The following RFTN1 variants were observed in gnomAD, a reference collection of about 807,000 sequenced individuals.
RFTN1 encodes the protein raftlin.
RFTN1 carries 26 observed loss-of-function variants against 46.5 expected under a neutral mutation model. That is an observed-to-expected ratio of 0.56 (90% CI 0.41 to 0.78). RFTN1 has a LOEUF of 0.78. Ranked by LOEUF, RFTN1 falls within the 30% of genes least tolerant of loss-of-function variation. The probability of loss-of-function intolerance (pLI) is 0.00; values close to 1 mark genes in which losing one functional copy is unlikely to be tolerated. For synonymous variants in RFTN1, 261 were observed against 284.2 expected (o/e 0.92, Z 0.82); for missense variants, 693 against 718.7 (o/e 0.96, Z 0.41).
In RFTN1 at chr3:16,346,952, C is replaced by T. The variant is rs1449032163; in HGVS notation, c.1146+10980G>A. Among the ~76,000 whole-genome samples the T allele has an allele frequency of 6.6e-6, 1 of 152,180 alleles. No homozygotes were observed. Among genetic ancestry groups the T allele is most frequent in the African/African-American group, 2.4e-5 (1 of 41,428 alleles). On this transcript the variant is annotated intron_variant, in intron 7 of 9. Coordinates refer to ENST00000334133, the MANE Select transcript of RFTN1 (RefSeq NM_015150.2). The surrounding 1 kb of genome is among the most constrained non-coding windows in gnomAD (Gnocchi z 4.4). ...CCCACCTTGCTCTAGACTTCCTGCT[C>T]AATGAGATGAGATGAACACCCCTAC... is the stretch of plus-strand genomic sequence containing the variant.
rs2074631591 is a variant in RFTN1, at chr3:16,402,583, C to T, written c.441+6792G>A. Among the ~76,000 whole-genome samples, 1 of 152,104 alleles carries T rather than the reference C, an allele frequency of 6.6e-6. No individual in the cohort carries two copies. The highest frequency in any genetic ancestry group is 1.5e-5 in the Non-Finnish European group (1 of 68,044). ...AATTAAAATTAGACTCTCTGCACCG[C>T]ACTTGTAGAAATGAAACTCTGAATA... is the stretch of plus-strand genomic sequence containing the variant. On this transcript the variant is annotated intron_variant, in intron 4 of 9. Coordinates refer to ENST00000334133, the MANE Select transcript of RFTN1 (RefSeq NM_015150.2). The surrounding 1 kb of genome is among the most constrained non-coding windows in gnomAD (Gnocchi z 4.5).
At chr3:16,494,118 AC>A (rs2076587014) in intron 1 of RFTN1, among the ~76,000 whole-genome samples, 1 of 152,156 alleles carries the variant, frequency 6.6e-6, no homozygotes, top group Admixed American at 6.5e-5. Flanking sequence ...TTTAAATGAC[AC>A]CAAAAGCATA....
chr3:16,412,563 C>A (rs1559334006), intron 3 of RFTN1, among the ~76,000 whole-genome samples: 1 of 152,158 alleles, frequency 6.6e-6, no homozygotes, highest in Non-Finnish European at 1.5e-5. Context: ...GGTGGGGAGA[C>A]CATGGTTGCT....
chr3:16,497,224 AAAT>A (rs1032568337), intron 1 of RFTN1, among the ~76,000 whole-genome samples: 2 of 152,328 alleles, frequency 1.3e-5, no homozygotes, highest in Middle Eastern at 3.4e-3. Flanking sequence ...AAACGTTCAA[AAAT>A]AATAAACAAA....
rs575822173 is a variant in RFTN1, at chr3:16,495,490, G to T, written c.-8-1613C>A. 5.3e-5 allele frequency among the ~76,000 whole-genome samples: 8 copies of T among 152,378 alleles called. No homozygotes were observed. The South Asian group carries it at 8.3e-4, about 16-fold the overall frequency. ...CAATGTGGTCTTTGCCCTCAAGGAGGTTAGGCTACTACAAGAGGGAGGACA... is the reference window on the plus strand; with the variant it reads ...CAATGTGGTCTTTGCCCTCAAGGAGTTTAGGCTACTACAAGAGGGAGGACA... On this transcript the variant is annotated intron_variant, in intron 1 of 9. Coordinates refer to ENST00000334133, the MANE Select transcript of RFTN1 (RefSeq NM_015150.2).
intron 6 of RFTN1, among the ~76,000 whole-genome samples, chr3:16,363,586 C>T (rs940012452): frequency 6.6e-6 from 1 of 152,276 alleles, no homozygotes; most frequent in Non-Finnish European, 1.5e-5. Context: ...TTAAGACTGT[C>T]TATATCAAGC....
intron 7 of RFTN1, among the ~76,000 whole-genome samples, chr3:16,355,064 TTAGA>T (rs570485344): frequency 3.2e-4 from 49 of 152,322 alleles, no homozygotes; most frequent in Non-Finnish European, 6.2e-4. Context: ...TCATGACTAC[TTAGA>T]TAATTTCCGA....
At chr3:16,455,246 T>A (rs576903297) in intron 2 of RFTN1, among the ~76,000 whole-genome samples, 19 of 152,234 alleles carry the variant, frequency 1.2e-4, no homozygotes, top group Non-Finnish European at 2.4e-4. Flanking sequence ...GGTGTTTTTC[T>A]ATAACGATTA....
rs533382894 is a variant in RFTN1, at chr3:16,451,564, C to A, written c.146-17527G>T. 6.6e-6 allele frequency among the ~76,000 whole-genome samples: 1 copy of A among 152,282 alleles called. No homozygotes were observed. Among genetic ancestry groups the A allele is most frequent in the Admixed American group, 6.5e-5 (1 of 15,296 alleles). On this transcript the variant is annotated intron_variant, in intron 2 of 9. Transcript: ENST00000334133. The surrounding 1 kb of genome is among the most constrained non-coding windows in gnomAD (Gnocchi z 4.2). ...TCCCCTCTTCTCCACAGGGGATATG[C>A]CTGAAACCACAGATAGTAAAGAACC... is the stretch of plus-strand genomic sequence containing the variant.
rs1219880294 is a variant in RFTN1, at chr3:16,418,277, A to G, written c.333-8794T>C. 1.3e-5 allele frequency among the ~76,000 whole-genome samples: 2 copies of G among 152,224 alleles called. No homozygotes were observed. The highest frequency in any genetic ancestry group is 4.8e-5 in the African/African-American group (2 of 41,460). ...GCCTGTCGAAAAACTATTATAAACT[A>G]TACTTCTAAAAAATAAGCATGTGAC... On this transcript the variant is annotated intron_variant, in intron 3 of 9. Transcript: ENST00000334133. The surrounding 1 kb of genome is among the most constrained non-coding windows in gnomAD (Gnocchi z 5.0).
At chr3:16,389,916 C>T (rs1456633116) in intron 4 of RFTN1, among the ~76,000 whole-genome samples, 2 of 152,168 alleles carry the variant, frequency 1.3e-5, no homozygotes, top group Non-Finnish European at 2.9e-5. Context: ...TGAACTTCTA[C>T]CTTCTTCTCT....
intron 9 of RFTN1, among the ~76,000 whole-genome samples, chr3:16,319,681 A>G (rs2068827354): frequency 6.6e-6 from 1 of 152,224 alleles, no homozygotes; most frequent in Admixed American, 6.5e-5. Flanking sequence ...GTAGAAGATC[A>G]CATCTTGTTG....
chr3:16,434,623 T>C (rs764695667), intron 2 of RFTN1: 5 of 150,110 alleles, frequency 3.3e-5, no homozygotes, highest in Admixed American at 2.0e-4. Context: ...GTGATCACAA[T>C]GAAAAAGTCA....
rs367594285 is a variant in RFTN1, at chr3:16,465,766, A to T, written c.145+27959T>A. Among the ~76,000 whole-genome samples, 10 of 152,168 alleles carry T rather than the reference A, an allele frequency of 6.6e-5. No individual in the cohort carries two copies. The highest frequency in any genetic ancestry group is 2.4e-4 in the African/African-American group (10 of 41,428). On this transcript the variant is annotated intron_variant, in intron 2 of 9. Coordinates refer to ENST00000334133, the MANE Select transcript of RFTN1 (RefSeq NM_015150.2). This position sits in a 1 kb window ranked among gnomAD's most constrained non-coding sequence, Gnocchi z 5.1. ...CCTTGTGCAGAAGGCTGAGCAGGGG[A>T]TGTCCACATCTTGCCAACCCTGGAG...
chr3:16,396,850 G>A (rs1023247647), intron 4 of RFTN1, among the ~76,000 whole-genome samples: 1 of 152,110 alleles, frequency 6.6e-6, no homozygotes, highest in African/African-American at 2.4e-5. Flanking sequence ...ATCACCTGAG[G>A]TCAGGAGTTT....
Position 16,356,456 on chromosome 3 carries a change from A to G in RFTN1, c.1146+1476T>C, listed in dbSNP as rs1244420892. 6.6e-6 allele frequency among the ~76,000 whole-genome samples: 1 copy of G among 151,898 alleles called. No individual in the cohort carries two copies. The highest frequency in any genetic ancestry group is 1.5e-5 in the Non-Finnish European group (1 of 67,968). The stretch of plus-strand genomic sequence containing the variant: ...GGTACTCCATTGCTATCACACTTGC[A>G]AGCAGTTATTTCTCATCCCTGTTCA... On this transcript the variant is annotated intron_variant, in intron 7 of 9. Coordinates refer to ENST00000334133, the MANE Select transcript of RFTN1 (RefSeq NM_015150.2). The surrounding 1 kb of genome is among the most constrained non-coding windows in gnomAD (Gnocchi z 4.9).
chr3:16,340,591 T>C (rs956813220), intron 7 of RFTN1, among the ~76,000 whole-genome samples: 8 of 152,244 alleles, frequency 5.3e-5, no homozygotes, highest in African/African-American at 1.7e-4. Flanking sequence ...AGCCAACTGA[T>C]AGAGACTGAA....
At position 16,511,819 on chromosome 3, in the gene RFTN1, A is replaced by T. The variant is rs2033285; in HGVS notation, c.-9+1623T>A. 4.8e-4 allele frequency among the ~76,000 whole-genome samples: 73 copies of T among 152,194 alleles called. 2 individuals carry two copies. In the South Asian group the frequency reaches 0.015, roughly 32 times the overall value. On this transcript the variant is annotated intron_variant, in intron 1 of 9. Coordinates refer to ENST00000334133, the MANE Select transcript of RFTN1 (RefSeq NM_015150.2). ...ACTCACTGACTTGTATTCCCAATTTATTATCTTTCAATTCCTGTACCAAAT... is the reference window on the plus strand; with the variant it reads ...ACTCACTGACTTGTATTCCCAATTTTTTATCTTTCAATTCCTGTACCAAAT...
In RFTN1 at chr3:16,429,590, T is replaced by G. The variant is rs1191995073; in HGVS notation, c.332+4261A>C. On this transcript the variant is annotated intron_variant, in intron 3 of 9. Transcript: ENST00000334133. This position sits in a 1 kb window ranked among gnomAD's most constrained non-coding sequence, Gnocchi z 6.4. ...AGTGCTTGGAAGGCAGGCTCCACAT[T>G]CAACTGAGCCTGGCATTTGCACTCT... Among the ~76,000 whole-genome samples, 2 of 152,152 alleles carry G rather than the reference T, an allele frequency of 1.3e-5. No homozygotes were observed. Among genetic ancestry groups the G allele is most frequent in the African/African-American group, 4.8e-5 (2 of 41,428 alleles).
Sources: gnomAD v4.1 joint callset for allele counts (sites outside exome capture counted in the v4.1 genomes callset) on GRCh38, gnomAD v4.1.1 for gene constraint, Gnocchi (gnomAD v3.1) non-coding constraint, MANE v1.5 for transcripts, NCBI Gene and HGNC (gene_info 2026-07-23, HGNC 2026-07-21) for gene names.